The following ADAM18 variants were observed in gnomAD, a reference collection of about 807,000 sequenced individuals.
ADAM18 encodes disintegrin and metalloproteinase domain-containing protein 18.
Under a neutral mutation model 94.4 loss-of-function variants are expected in ADAM18, and 117 were observed. The observed-to-expected ratio is 1.24, with a 90% confidence interval of 1.07 to 1.45. The LOEUF (loss-of-function observed/expected upper bound fraction) is 1.45, where lower values mean the gene tolerates loss of function less well. Ranked by LOEUF, ADAM18 falls within the 40% of genes most tolerant of loss-of-function variation. ADAM18 has a pLI of 0.00. For synonymous variants in ADAM18, 327 were observed against 291.6 expected (o/e 1.12, Z -1.24); for missense variants, 936 against 880.0 (o/e 1.06, Z -0.81).
At chr8:39,723,635 T>C (rs1355503586) in intron 18 of ADAM18, 113 bp from the exon 19 acceptor site, 1 of 656,390 alleles carries the variant, frequency 1.5e-6, no homozygotes, top group Non-Finnish European at 2.3e-6. Context: ...CCTAGTAGTT[T>C]GCAATGCATT....
chr8:39,649,318 T>C (rs1184348790), intron 12 of ADAM18, among the ~76,000 whole-genome samples: 1 of 152,098 alleles, frequency 6.6e-6, no homozygotes, highest in Non-Finnish European at 1.5e-5. Context: ...TATGTGTATA[T>C]ACACACACAT....
chr8:39,670,227 A>G (rs1166788443), intron 14 of ADAM18, among the ~76,000 whole-genome samples: 3 of 152,116 alleles, frequency 2.0e-5, no homozygotes, highest in African/African-American at 7.2e-5. Flanking sequence ...CCTTTGTCAG[A>G]TGAGTTCTGA....
intron 18 of ADAM18, among the ~76,000 whole-genome samples, chr8:39,708,244 T>A (rs1296548847): frequency 1.3e-5 from 2 of 152,228 alleles, no homozygotes; most frequent in Admixed American, 6.5e-5. Flanking sequence ...ACTACTGTAA[T>A]CTTACACAGT....
intron 18 of ADAM18, among the ~76,000 whole-genome samples, chr8:39,721,773 G>A (rs1466433112): frequency 6.6e-6 from 1 of 151,480 alleles, no homozygotes; most frequent in East Asian, 1.9e-4. Flanking sequence ...TGAAGATGTG[G>A]AGAAAAGGGA....
rs79819435 is a variant in ADAM18, at chr8:39,697,149, A to G, written c.1902+4469A>G. Among the ~76,000 whole-genome samples the G allele has an allele frequency of 2.4e-3, 361 of 151,190 alleles. 1 individual carries two copies. Among genetic ancestry groups the G allele is most frequent in the African/African-American group, 8.4e-3 (346 of 41,320 alleles). On this transcript the variant is annotated intron_variant, in intron 17 of 19. Transcript: ENST00000265707. ...TATTGTAAATGGTATTGTTTTCTCAATTTCCTTTTTGGGTTACGCATTGCT... is the reference window on the plus strand; with the variant it reads ...TATTGTAAATGGTATTGTTTTCTCAGTTTCCTTTTTGGGTTACGCATTGCT...
rs113856595 is a variant in ADAM18 at position 39,673,929 on chromosome 8, G to A, written c.1526-3502G>A. ...TTGTTCAGTTTCCATGTAGTTGTGC[G>A]GTTTTGAGAGAGTTTCTTAATCTTG... On this transcript the variant is annotated intron_variant, in intron 14 of 19. Coordinates refer to ENST00000265707, the MANE Select transcript of ADAM18 (RefSeq NM_014237.3). 5.0e-3 allele frequency among the ~76,000 whole-genome samples: 760 copies of A among 152,206 alleles called. 5 individuals are homozygous for A. The highest frequency in any genetic ancestry group is 0.012 in the South Asian group (58 of 4,820).
intron 16 of ADAM18, among the ~76,000 whole-genome samples, chr8:39,683,277 A>G (rs1464690093): frequency 6.6e-6 from 1 of 152,242 alleles, no homozygotes; most frequent in East Asian, 1.9e-4. Context: ...TTGGAAGCAT[A>G]TTCATTTTAG....
intron 12 of ADAM18, 63 bp downstream of exon 12, chr8:39,648,590 T>G: frequency 7.0e-7 from 1 of 1,423,440 alleles, no homozygotes; most frequent in Non-Finnish European, 9.5e-7. Flanking sequence ...ATAAGACATG[T>G]TTGTCATGGT....
intron 12 of ADAM18, among the ~76,000 whole-genome samples, chr8:39,662,248 T>TAC (rs1305976255): frequency 6.6e-5 from 10 of 152,152 alleles, no homozygotes; most frequent in Admixed American, 5.2e-4. Flanking sequence ...AAAGAATATA[T>TAC]ACACACACAT....
chr8:39,719,318 C>T (rs928219496), intron 18 of ADAM18, among the ~76,000 whole-genome samples: 89 of 151,404 alleles, frequency 5.9e-4, no homozygotes, highest in African/African-American at 2.1e-3. Context: ...GTATTTCACA[C>T]CATGTTCAAA....
intron 13 of ADAM18, among the ~76,000 whole-genome samples, chr8:39,664,270 T>A (rs760909186): frequency 6.6e-6 from 1 of 152,230 alleles, no homozygotes; most frequent in African/African-American, 2.4e-5. Flanking sequence ...TTTTTGTCTT[T>A]ATTCCCTAAA....
chr8:39,716,663 G>A (rs562446616), intron 18 of ADAM18, among the ~76,000 whole-genome samples: 8 of 152,006 alleles, frequency 5.3e-5, no homozygotes, highest in Middle Eastern at 3.4e-3. Context: ...AGAGCAACAC[G>A]CATTTTGCTG....
At chr8:39,621,164 T>G (rs186114462) in intron 6 of ADAM18, among the ~76,000 whole-genome samples, 1 of 151,764 alleles carries the variant, frequency 6.6e-6, no homozygotes, top group East Asian at 1.9e-4. Context: ...AAAAACAAAA[T>G]GAAACAAAAT....
At chr8:39,729,151 G>A (rs1489812371) in intron 19 of ADAM18, among the ~76,000 whole-genome samples, 11 of 151,998 alleles carry the variant, frequency 7.2e-5, no homozygotes, top group Non-Finnish European at 1.6e-4. Flanking sequence ...TGTGTTTGTG[G>A]GCCACAGAGG....
chr8:39,627,690 G>A (rs1053356325), intron 6 of ADAM18, among the ~76,000 whole-genome samples: 1 of 152,008 alleles, frequency 6.6e-6, no homozygotes, highest in African/African-American at 2.4e-5. Context: ...TGTCTTCTAA[G>A]TGGTGTATTT....
At chr8:39,631,801 A>G (rs1819938438) in intron 7 of ADAM18, among the ~76,000 whole-genome samples, 1 of 152,038 alleles carries the variant, frequency 6.6e-6, no homozygotes. Context: ...ATCTCTGAAT[A>G]AGGAGAACCC....
At chr8:39,586,101 G>A (rs568514426) in intron 2 of ADAM18, among the ~76,000 whole-genome samples, 58 of 152,182 alleles carry the variant, frequency 3.8e-4, no homozygotes, top group African/African-American at 1.3e-3. Flanking sequence ...TTATGAGTAA[G>A]GAAAAGATTA....
rs751771920 is a variant in ADAM18 at position 39,663,894 on chromosome 8, AGT to A, written c.1326+5_1326+6del. 2.4e-5 allele frequency: 39 copies of A among 1,599,550 alleles called. No individual in the cohort carries two copies. The African/African-American group carries it at 4.4e-4, about 18-fold the overall frequency. On this transcript the variant is annotated splice_donor_5th_base_variant and intron_variant, in intron 13 of 19. Coordinates refer to ENST00000265707, the MANE Select transcript of ADAM18 (RefSeq NM_014237.3). ...ATGTTGTACATCAAAGTGTGAGGTA[AGT>A]TACTAACATTCATTAAAAGCAAATT...
intron 3 of ADAM18, among the ~76,000 whole-genome samples, chr8:39,606,827 G>A (rs1819100638): frequency 1.3e-5 from 2 of 152,096 alleles, no homozygotes; most frequent in Admixed American, 6.6e-5. Context: ...ATTTGGGTAG[G>A]TAGTGGAAAA....
Sources: gnomAD v4.1 joint callset for allele counts (sites outside exome capture counted in the v4.1 genomes callset) on GRCh38, gnomAD v4.1.1 for gene constraint, MANE v1.5 for transcripts, NCBI Gene and HGNC (gene_info 2026-07-23, HGNC 2026-07-21) for gene names.